The following TACR3 variants were observed in gnomAD, a reference collection of about 807,000 sequenced individuals.
The protein encoded by TACR3 is neuromedin-K receptor.
Under a neutral mutation model 35.0 loss-of-function variants are expected in TACR3, and 34 were observed. The ratio of observed to expected loss-of-function variants is 0.97; its 90% CI spans 0.74 to 1.30. The LOEUF is 1.30. TACR3 is among the 50% of genes most tolerant of loss of function. The probability of loss-of-function intolerance (pLI) is 0.00; values close to 1 mark genes in which losing one functional copy is unlikely to be tolerated. For synonymous variants in TACR3, 233 were observed against 221.1 expected (o/e 1.05, Z -0.48); for missense variants, 558 against 591.7 (o/e 0.94, Z 0.59).
intron 1 of TACR3, among the ~76,000 whole-genome samples, chr4:103,674,562 T>G (rs1187351052): frequency 6.6e-6 from 1 of 152,154 alleles, no homozygotes; most frequent in Non-Finnish European, 1.5e-5. Context: ...TTTTCTCTTG[T>G]TTTGTTTTGA....
chr4:103,631,198 G>T (rs560216683), intron 3 of TACR3, among the ~76,000 whole-genome samples: 15 of 152,066 alleles, frequency 9.9e-5, no homozygotes, highest in African/African-American at 3.4e-4. Context: ...GCTGGAGGAG[G>T]GATAGCACTT....
intron 1 of TACR3, among the ~76,000 whole-genome samples, chr4:103,714,680 A>G (rs1560543120): frequency 6.6e-6 from 1 of 152,194 alleles, no homozygotes; most frequent in South Asian, 2.1e-4. Context: ...AACTGCATGG[A>G]AAGTGACTTT....
At chr4:103,654,656 CTGCACATTG>C (rs1725694402) in intron 3 of TACR3, among the ~76,000 whole-genome samples, 1 of 150,818 alleles carries the variant, frequency 6.6e-6, no homozygotes, top group African/African-American at 2.4e-5. Context: ...TGTAACAAAC[CTGCACATTG>C]TGCACATGTA....
At chr4:103,601,396 ATAT>A (rs1324092818) in intron 3 of TACR3, among the ~76,000 whole-genome samples, 4 of 152,066 alleles carry the variant, frequency 2.6e-5, no homozygotes, top group Non-Finnish European at 4.4e-5. Context: ...TTTAAAGTTA[ATAT>A]TATTTTGTGT....
intron 1 of TACR3, among the ~76,000 whole-genome samples, chr4:103,675,861 G>A (rs958311850): frequency 1.3e-5 from 2 of 152,038 alleles, no homozygotes; most frequent in African/African-American, 4.8e-5. Context: ...GTGGAGGGGA[G>A]GGGGCAGAGA....
intron 3 of TACR3, among the ~76,000 whole-genome samples, chr4:103,604,654 A>G (rs1377403442): frequency 6.6e-6 from 1 of 152,116 alleles, no homozygotes; most frequent in Non-Finnish European, 1.5e-5. Flanking sequence ...ACAAAGGGCT[A>G]ATATCCAGAA....
chr4:103,669,735 G>C (rs1361290926), intron 1 of TACR3, among the ~76,000 whole-genome samples: 1 of 151,626 alleles, frequency 6.6e-6, no homozygotes. Context: ...ATATATTCTG[G>C]TTCCTAATTT....
At chr4:103,714,805 TACC>T (rs1723051357) in intron 1 of TACR3, among the ~76,000 whole-genome samples, 1 of 152,178 alleles carries the variant, frequency 6.6e-6, no homozygotes, top group Non-Finnish European at 1.5e-5. Context: ...ATGCAAAATT[TACC>T]ACAATACATT....
chr4:103,596,905 T>C (rs895382381), intron 3 of TACR3, among the ~76,000 whole-genome samples: 3 of 151,908 alleles, frequency 2.0e-5, no homozygotes, highest in Non-Finnish European at 4.4e-5. Flanking sequence ...TCCAGCTTCA[T>C]CCATGTCCCT....
chr4:103,672,782 C>T (rs1018083828), intron 1 of TACR3, among the ~76,000 whole-genome samples: 2 of 152,124 alleles, frequency 1.3e-5, no homozygotes, highest in Non-Finnish European at 2.9e-5. Context: ...ATTGACTTCT[C>T]CTCTCTAGCT....
At chr4:103,600,992 T>G (rs1314689401) in intron 3 of TACR3, among the ~76,000 whole-genome samples, 1 of 152,166 alleles carries the variant, frequency 6.6e-6, no homozygotes, top group African/African-American at 2.4e-5. Flanking sequence ...TGTGCAGAGC[T>G]GAGTTCAATT....
rs1238193715 is a variant in TACR3 at position 103,589,881 on chromosome 4, A to G, written c.1199T>C (p.Met400Thr). 1.9e-6 allele frequency: 3 copies of G among 1,613,824 alleles called. No individual in the cohort carries two copies. The African/African-American group carries it at 4.0e-5, about 22-fold the overall frequency. The change falls in exon 5 of 5, where the codon ATG becomes ACG. Residue 400 changes from methionine (M) to threonine (T), a missense_variant. Physicochemically the swap from Met to Thr is moderately conservative, Grantham distance 81. Coordinates refer to ENST00000304883, the MANE Select transcript of TACR3 (RefSeq NM_001059.3). ...TRFHPNRQSS[M>T]YTVTRMESMT... Reference sequence around the variant, plus strand: ...GGACTCCATTCTGGTCACGGTGTACATACTGCTTTGCCGGTTTGGATGAAA... The same window carrying G: ...GGACTCCATTCTGGTCACGGTGTACGTACTGCTTTGCCGGTTTGGATGAAA...
intron 1 of TACR3, among the ~76,000 whole-genome samples, chr4:103,700,667 A>G (rs1722628825): frequency 6.6e-6 from 1 of 152,172 alleles, no homozygotes; most frequent in African/African-American, 2.4e-5. Flanking sequence ...AATTTATGTC[A>G]GACATCAAAT....
chr4:103,619,622 T>C (rs981454276), intron 3 of TACR3, among the ~76,000 whole-genome samples: 1 of 152,182 alleles, frequency 6.6e-6, no homozygotes, highest in African/African-American at 2.4e-5. Flanking sequence ...TGGTTTGAGC[T>C]TTTGCCCATT....
intron 3 of TACR3, among the ~76,000 whole-genome samples, chr4:103,640,348 A>C (rs1725326442): frequency 1.3e-5 from 2 of 152,072 alleles, no homozygotes; most frequent in Non-Finnish European, 1.5e-5. Context: ...GGCAAAATTC[A>C]GTTGAAATAA....
At chr4:103,675,407 A>G (rs1002818793) in intron 1 of TACR3, among the ~76,000 whole-genome samples, 5 of 152,216 alleles carry the variant, frequency 3.3e-5, no homozygotes, top group African/African-American at 9.6e-5. Context: ...GAAATATATT[A>G]GGAAATAAGG....
chr4:103,717,456 A>G (rs1210396756), intron 1 of TACR3, among the ~76,000 whole-genome samples: 1 of 152,154 alleles, frequency 6.6e-6, no homozygotes, highest in Non-Finnish European at 1.5e-5. Context: ...GCACTAAATG[A>G]TTATTTAAAA....
In TACR3 at chr4:103,589,951, T is replaced by C. The variant is rs776385419; in HGVS notation, c.1129A>G (p.Ile377Val). The change falls in exon 5 of 5, where the codon ATC becomes GTC. Residue 377 changes from isoleucine (I) to valine (V), a missense_variant. Coordinates refer to ENST00000304883, the MANE Select transcript of TACR3 (RefSeq NM_001059.3). ...FKRAFRWCPF[I>V]KVSSYDELEL... ...AGCTCATCATAGCTGGAAACTTTGA[T>C]GAAAGGACACCAGCGAAATGCTCTC... 5 of 1,613,902 alleles carry C rather than the reference T, an allele frequency of 3.1e-6. No individual in the cohort carries two copies. Among genetic ancestry groups the C allele is most frequent in the African/African-American group, 2.7e-5 (2 of 75,036 alleles).
chr4:103,646,966 C>T (rs1725472146), intron 3 of TACR3, among the ~76,000 whole-genome samples: 3 of 151,746 alleles, frequency 2.0e-5, no homozygotes, highest in Admixed American at 6.6e-5. Flanking sequence ...TTTCTTTTAC[C>T]AAATATCCTA....
Sources: gnomAD v4.1 joint callset for allele counts (sites outside exome capture counted in the v4.1 genomes callset) on GRCh38, gnomAD v4.1.1 for gene constraint, MANE v1.5 for transcripts, NCBI Gene and HGNC (gene_info 2026-07-23, HGNC 2026-07-21) for gene names.